NEK11: variants seen among roughly 807,000 people sequenced by gnomAD.
The protein encoded by NEK11 is serine/threonine-protein kinase Nek11.
A neutral mutation model predicts 80.7 loss-of-function variants in NEK11; 72 were observed. The ratio of observed to expected loss-of-function variants is 0.89; its 90% CI spans 0.74 to 1.08. NEK11 has a LOEUF of 1.08. Ranked by LOEUF, NEK11 falls within the 50% of genes least tolerant of loss-of-function variation. The pLI is 0.00. For synonymous variants in NEK11, 251 were observed against 260.7 expected (o/e 0.96, Z 0.36); for missense variants, 764 against 763.6 (o/e 1.00, Z -0.01).
At chr3:131,240,283 G>A (rs920196285) in intron 15 of NEK11, among the ~76,000 whole-genome samples, 4 of 152,122 alleles carry the variant, frequency 2.6e-5, no homozygotes, top group East Asian at 1.9e-4. Flanking sequence ...TCCCATGAGT[G>A]GGTTTTTATT....
chr3:131,330,026 G>A (rs569015855), intron 17 of NEK11: 1 of 152,218 alleles, frequency 6.6e-6, no homozygotes, highest in South Asian at 2.1e-4. Flanking sequence ...GAAACGAATC[G>A]AGTGGCTCCT....
intron 3 of NEK11, among the ~76,000 whole-genome samples, chr3:131,034,341 A>G (rs765158084): frequency 2.0e-5 from 3 of 152,178 alleles, no homozygotes; most frequent in African/African-American, 7.2e-5. Flanking sequence ...CTTACTATGC[A>G]GAGTTGATTT....
At chr3:131,111,079 T>C (rs2149357512) in intron 5 of NEK11, among the ~76,000 whole-genome samples, 1 of 152,300 alleles carries the variant, frequency 6.6e-6, no homozygotes, top group Middle Eastern at 3.4e-3. Flanking sequence ...TTAGGTTATA[T>C]GCAAGAAAAA....
chr3:131,140,883 G>A (rs555525140), intron 7 of NEK11, among the ~76,000 whole-genome samples: 6 of 151,912 alleles, frequency 3.9e-5, no homozygotes, highest in Admixed American at 1.3e-4. Context: ...CCACCTCAAC[G>A]TCACCCCTAG....
chr3:131,173,460 G>A (rs2092813900), intron 14 of NEK11, among the ~76,000 whole-genome samples: 1 of 151,844 alleles, frequency 6.6e-6, no homozygotes, highest in Non-Finnish European at 1.5e-5. Context: ...CTTCTTCCTG[G>A]TTTCAAATAG....
intron 4 of NEK11, among the ~76,000 whole-genome samples, chr3:131,094,318 A>G (rs934976514): frequency 4.6e-5 from 7 of 152,058 alleles, no homozygotes; most frequent in African/African-American, 1.7e-4. Context: ...AGCATAATGC[A>G]TTAAAATCTT....
chr3:131,087,051 A>C (rs532218716), intron 4 of NEK11, among the ~76,000 whole-genome samples: 1 of 152,148 alleles, frequency 6.6e-6, no homozygotes, highest in East Asian at 1.9e-4. Flanking sequence ...TGACTATCAG[A>C]GCTTTTCTCC....
intron 5 of NEK11, among the ~76,000 whole-genome samples, chr3:131,123,656 T>C (rs1035503878): frequency 3.3e-5 from 5 of 152,048 alleles, no homozygotes; most frequent in Admixed American, 6.6e-5. Context: ...TATCAATGTA[T>C]TATTTGTAAT....
At chr3:131,338,863 G>A (rs2097239959) in intron 17 of NEK11, among the ~76,000 whole-genome samples, 1 of 152,230 alleles carries the variant, frequency 6.6e-6, no homozygotes. Context: ...AAAAGGATAT[G>A]AGGGAATTCT....
chr3:131,176,666 C>G (rs948147711), intron 14 of NEK11, among the ~76,000 whole-genome samples: 1 of 152,138 alleles, frequency 6.6e-6, no homozygotes, highest in African/African-American at 2.4e-5. Flanking sequence ...AAAAATTAAG[C>G]TGGGTGCTGT....
rs2091740165 is a variant in NEK11, at chr3:131,162,493, C to T, written c.1048C>T (p.Leu350Phe). The change falls in exon 11 of 18, where the codon CTC (leucine) becomes TTC (phenylalanine). Residue 350 changes from leucine to phenylalanine, a missense_variant. Leu to Phe is a conservative substitution (Grantham distance 22, BLOSUM62 0). Transcript: ENST00000383366. ...AAGAGAAAGGATGCGGCTGAGGAAG[C>T]TCCAGGCGGCTGATGAGAAAGCCAG... ...TPRERMRLRK[L>F]QAADEKARKL... 5 of 1,614,008 alleles carry T rather than the reference C, an allele frequency of 3.1e-6. No individual in the cohort carries two copies. The highest frequency in any genetic ancestry group is 4.2e-6 in the Non-Finnish European group (5 of 1,180,008).
intron 17 of NEK11, among the ~76,000 whole-genome samples, chr3:131,346,540 A>T (rs911198465): frequency 4.6e-5 from 7 of 152,194 alleles, no homozygotes; most frequent in Admixed American, 4.6e-4. Flanking sequence ...TGGAGTAGGT[A>T]TACGACTGAG....
At chr3:131,326,964 TCTAAG>T (rs2096977722) in intron 17 of NEK11, among the ~76,000 whole-genome samples, 1 of 152,088 alleles carries the variant, frequency 6.6e-6, no homozygotes, top group African/African-American at 2.4e-5. Context: ...CTTTTGCCCG[TCTAAG>T]CTTTCTTCCC....
chr3:131,069,381 A>G (rs1246713764), intron 3 of NEK11, among the ~76,000 whole-genome samples: 3 of 152,126 alleles, frequency 2.0e-5, no homozygotes, highest in Admixed American at 1.3e-4. Flanking sequence ...ACCTGGTGGG[A>G]CTGTAAACTA....
At chr3:131,115,909 T>TC (rs756882418) in intron 5 of NEK11, among the ~76,000 whole-genome samples, 4 of 47,090 alleles carry the variant, frequency 8.5e-5, no homozygotes, top group Non-Finnish European at 1.7e-4. Flanking sequence ...GTGTTTTCTT[T>TC]CTTTCTTTCT....
At chr3:131,114,475 T>C (rs147577080) in intron 5 of NEK11, among the ~76,000 whole-genome samples, 30 of 152,332 alleles carry the variant, frequency 2.0e-4, no homozygotes, top group African/African-American at 6.5e-4. Context: ...CTGCTCTACA[T>C]GTCTTCATTC....
rs1223520054 is a variant in NEK11, at chr3:131,343,372, G to GT, written c.1719-6185_1719-6184insT. ...AGGGAGGATCCCTTAATTAGGCACA[G>GT]AAGAGGAGGCCAAGTATATAGTTAC... On this transcript the variant is annotated intron_variant, in intron 17 of 17. Transcript: ENST00000383366. Among the ~76,000 whole-genome samples the GT allele has an allele frequency of 3.9e-5, 6 of 152,322 alleles. No homozygotes were observed. The East Asian group carries it at 9.6e-4, about 24-fold the overall frequency.
intron 17 of NEK11, among the ~76,000 whole-genome samples, chr3:131,332,571 C>T (rs562431161): frequency 6.6e-6 from 1 of 152,328 alleles, no homozygotes; most frequent in Admixed American, 6.5e-5. Context: ...TCTCCTCCTC[C>T]AAAGGAACGC....
chr3:131,304,251 C>G (rs2096697667), intron 17 of NEK11, among the ~76,000 whole-genome samples: 1 of 152,200 alleles, frequency 6.6e-6, no homozygotes, highest in South Asian at 2.1e-4. Context: ...TTTTTCAGCT[C>G]TATCAGATCA....
Sources: gnomAD v4.1 joint callset for allele counts (sites outside exome capture counted in the v4.1 genomes callset) on GRCh38, gnomAD v4.1.1 for gene constraint, MANE v1.5 for transcripts, NCBI Gene and HGNC (gene_info 2026-07-23, HGNC 2026-07-21) for gene names.